Variants in RIN2 observed in about 807,000 individuals in gnomAD.
RIN2 encodes RAB5 interacting protein 2.
RIN2 carries 36 observed loss-of-function variants against 78.0 expected under a neutral mutation model. The ratio of observed to expected loss-of-function variants is 0.46; its 90% CI spans 0.35 to 0.61. RIN2 has a LOEUF of 0.61. Among genes scored for constraint, RIN2 ranks in the 20% least tolerant of loss-of-function variants. The pLI, the probability that RIN2 is intolerant of heterozygous loss-of-function variation, is 0.00. For synonymous variants in RIN2, 466 were observed against 466.8 expected, an observed-to-expected ratio of 1.00 and a Z score of 0.02; for missense variants, 1,087 against 1,159.7, an observed-to-expected ratio of 0.94 and a Z score of 0.91.
rs71198035 is a variant in RIN2 at position 19,921,849 on chromosome 20, G to GTTGTTTGT, written c.58-13221_58-13214dup. Among the ~76,000 whole-genome samples the GTTGTTTGT allele has an allele frequency of 1.5e-3, 232 of 150,624 alleles. 1 individual carries two copies. Among genetic ancestry groups the GTTGTTTGT allele is most frequent in the African/African-American group, 4.9e-3 (201 of 40,860 alleles). ...CCTAAGGGTAAATTTGGATCTGTCG[G>GTTGTTTGT]TTGTTTGTTTGTTTGTTTGTTTGTT... On this transcript the variant is annotated intron_variant, in intron 3 of 12. Coordinates refer to ENST00000255006, the MANE Select transcript of RIN2 (RefSeq NM_018993.4).
intron 11 of RIN2, among the ~76,000 whole-genome samples, chr20:19,993,852 C>T (rs912510933): frequency 6.6e-6 from 1 of 152,116 alleles, no homozygotes; most frequent in Admixed American, 6.5e-5. Context: ...TATTCTTTTT[C>T]GAGCTTCGAT....
intron 3 of RIN2, among the ~76,000 whole-genome samples, chr20:19,908,818 G>A (rs2039337506): frequency 6.6e-6 from 1 of 152,178 alleles, no homozygotes; most frequent in South Asian, 2.1e-4. Context: ...GGGCTTAGGG[G>A]TGGGCAATGG....
chr20:19,780,284 G>A (rs998200693), intron 1 of RIN2, among the ~76,000 whole-genome samples: 1 of 152,202 alleles, frequency 6.6e-6, no homozygotes, highest in South Asian at 2.1e-4. Context: ...CATGACCTAG[G>A]GTTGTTTGTG....
At chr20:19,873,121 A>ATT (rs141660845) in intron 2 of RIN2, among the ~76,000 whole-genome samples, 132 of 150,554 alleles carry the variant, frequency 8.8e-4, no homozygotes, top group African/African-American at 2.8e-3. Context: ...TATTATTTTT[A>ATT]TTTTTATTTT....
chr20:19,819,511 G>A (rs1167522288), intron 2 of RIN2, among the ~76,000 whole-genome samples: 1 of 152,162 alleles, frequency 6.6e-6, no homozygotes, highest in Admixed American at 6.5e-5. Flanking sequence ...ATACACTTTT[G>A]TGTTGTTTTA....
chr20:19,962,912 G>C (rs2041812896), intron 6 of RIN2, among the ~76,000 whole-genome samples: 1 of 151,982 alleles, frequency 6.6e-6, no homozygotes, highest in South Asian at 2.1e-4. Context: ...ATCCGAGATA[G>C]TGCCGTTGCA....
At chr20:19,886,006 G>A (rs1196479413) in intron 2 of RIN2, among the ~76,000 whole-genome samples, 3 of 152,100 alleles carry the variant, frequency 2.0e-5, no homozygotes, top group African/African-American at 7.2e-5. Context: ...AGAGGTGGGC[G>A]GGGAATAGGC....
intron 9 of RIN2, among the ~76,000 whole-genome samples, chr20:19,980,918 T>C (rs199591): frequency 0.34 from 51,586 of 152,104 alleles, 9,822 homozygotes; most frequent in Non-Finnish European, 0.44. Context: ...TTCTCAGTTA[T>C]TGTCCAGGCC....
At position 19,975,958 on chromosome 20, in the gene RIN2, G is replaced by A. The variant is rs988257007; in HGVS notation, c.1762+171G>A. Among the ~76,000 whole-genome samples the A allele has an allele frequency of 1.6e-4, 24 of 152,154 alleles. No homozygotes were observed. Among genetic ancestry groups the A allele is most frequent in the African/African-American group, 5.8e-4 (24 of 41,428 alleles). On this transcript the variant is annotated intron_variant, in intron 9 of 12. Coordinates refer to ENST00000255006, the MANE Select transcript of RIN2 (RefSeq NM_018993.4). The surrounding 1 kb of genome is among the most constrained non-coding windows in gnomAD (Gnocchi z 4.9). ...CAGTTTCTCAAAGTAGCTGCTGACT[G>A]CCAGACTCAAAAATGTCTTCGGGAG... is the stretch of plus-strand genomic sequence containing the variant.
At chr20:19,793,061 G>A (rs1300612675) in intron 1 of RIN2, among the ~76,000 whole-genome samples, 9 of 151,984 alleles carry the variant, frequency 5.9e-5, no homozygotes, top group Admixed American at 4.6e-4. Flanking sequence ...TTGATGACCT[G>A]TAAGGCTTTG....
At chr20:19,845,567 C>A (rs1432626276) in intron 2 of RIN2, among the ~76,000 whole-genome samples, 1 of 89,472 alleles carries the variant, frequency 1.1e-5, no homozygotes, top group Non-Finnish European at 2.1e-5. Flanking sequence ...CCTTCACCTA[C>A]TTTTTGATTT....
chr20:19,895,075 C>T (rs1326235972), intron 3 of RIN2, among the ~76,000 whole-genome samples: 1 of 152,126 alleles, frequency 6.6e-6, no homozygotes, highest in Non-Finnish European at 1.5e-5. Flanking sequence ...CACCATCAGC[C>T]TCCCAACCAC....
intron 3 of RIN2, among the ~76,000 whole-genome samples, chr20:19,925,626 C>T (rs1211224596): frequency 6.6e-6 from 1 of 152,162 alleles, no homozygotes; most frequent in African/African-American, 2.4e-5. Context: ...AAGGCAATTC[C>T]TTGCAAGAGG....
chr20:19,840,338 G>C (rs2036543747), intron 2 of RIN2, among the ~76,000 whole-genome samples: 1 of 152,204 alleles, frequency 6.6e-6, no homozygotes. Flanking sequence ...CTGCATACTT[G>C]GGCAGCAGTT....
intron 2 of RIN2, among the ~76,000 whole-genome samples, chr20:19,834,072 G>A (rs2036332549): frequency 6.6e-6 from 1 of 152,170 alleles, no homozygotes; most frequent in South Asian, 2.1e-4. Flanking sequence ...ACCTTGTGCT[G>A]GGTGCAAGGT....
At chr20:19,822,469 T>C (rs1247657197) in intron 2 of RIN2, among the ~76,000 whole-genome samples, 1 of 152,176 alleles carries the variant, frequency 6.6e-6, no homozygotes, top group Non-Finnish European at 1.5e-5. Context: ...ACGAATAGAT[T>C]CTAAACAGAT....
At chr20:19,880,250 TA>T (rs10551811) in intron 2 of RIN2, among the ~76,000 whole-genome samples, 9,617 of 135,854 alleles carry the variant, frequency 0.071, 532 homozygotes, top group African/African-American at 0.16. Context: ...GACTCTGTCT[TA>T]AAAAAAAAAA....
chr20:19,936,970 C>A (rs2040670919), intron 4 of RIN2, among the ~76,000 whole-genome samples: 1 of 152,208 alleles, frequency 6.6e-6, no homozygotes, highest in African/African-American at 2.4e-5. Context: ...TATTAAACTA[C>A]TGTTCTAAGT....
At chr20:19,777,591 C>T (rs376500572) in intron 1 of RIN2, among the ~76,000 whole-genome samples, 7 of 152,210 alleles carry the variant, frequency 4.6e-5, no homozygotes, top group South Asian at 2.1e-4. Context: ...TTCAAGTAAA[C>T]GGGGGCTCTC....
Sources: allele counts gnomAD v4.1 joint callset (sites outside exome capture counted in the v4.1 genomes callset), GRCh38; gene constraint gnomAD v4.1.1; non-coding constraint Gnocchi (gnomAD v3.1); transcripts MANE v1.5; gene names NCBI Gene and HGNC (gene_info 2026-07-23, HGNC 2026-07-21).